The following MAGED1 variants were observed in gnomAD, a reference collection of about 807,000 sequenced individuals.
The protein encoded by MAGED1 is melanoma-associated antigen D1.
MAGED1 carries 3 observed loss-of-function variants against 54.1 expected under a neutral mutation model. The ratio of observed to expected loss-of-function variants is 0.06; its 90% CI spans 0.03 to 0.14. MAGED1 has a LOEUF of 0.14. MAGED1 is among the 10% of genes least tolerant of loss of function. MAGED1 has a pLI of 1.00. For missense variants in MAGED1, 485 were observed against 623.4 expected, an observed-to-expected ratio of 0.78 and a Z score of 2.36; for synonymous variants, 217 against 227.3, an observed-to-expected ratio of 0.95 and a Z score of 0.41.
intron 1 of MAGED1, among the ~76,000 whole-genome samples, chrX:51,844,337 A>T (rs1392774472): frequency 8.9e-6 from 1 of 112,285 alleles, no homozygotes; most frequent in African/African-American, 3.2e-5. Flanking sequence ...ATAAGCTTGG[A>T]TATTTAGCTG....
chrX:51,857,089 A>G (rs1927112336), intron 1 of MAGED1: 1 of 111,442 alleles, frequency 9.0e-6, no homozygotes, highest in Admixed American at 9.6e-5. Context: ...GAGAAACCCT[A>G]TGAATGCTGT....
intron 1 of MAGED1, among the ~76,000 whole-genome samples, chrX:51,832,132 G>A (rs1052691501): frequency 1.8e-5 from 2 of 111,033 alleles, no homozygotes; most frequent in Non-Finnish European, 3.8e-5. Context: ...TCCGGGCTCA[G>A]GTTCCTCCCA....
At chrX:51,807,614 T>C (rs1602203195) in intron 1 of MAGED1, among the ~76,000 whole-genome samples, 1 of 111,981 alleles carries the variant, frequency 8.9e-6, no homozygotes, top group Non-Finnish European at 1.9e-5. Flanking sequence ...AGTATGGGTA[T>C]ATGTAAAGGC....
intron 1 of MAGED1, among the ~76,000 whole-genome samples, chrX:51,862,679 G>C (rs186672362): frequency 9.0e-6 from 1 of 111,520 alleles, no homozygotes; most frequent in Admixed American, 9.6e-5. Context: ...GAGGTTCTGC[G>C]TCAAAAACTG....
intron 1 of MAGED1, among the ~76,000 whole-genome samples, chrX:51,871,444 C>T (rs1557361564): frequency 9.2e-6 from 1 of 108,966 alleles, no homozygotes; most frequent in Admixed American, 9.8e-5. Flanking sequence ...CACAACAGGC[C>T]CTGGTGTGTG....
intron 7 of MAGED1, 76 bp from the exon 8 acceptor site, chrX:51,898,038 A>C: frequency 1.0e-6 from 1 of 974,387 alleles, no homozygotes; most frequent in Non-Finnish European, 1.5e-6. Flanking sequence ...AATATTGGGG[A>C]GGCTAGATGG....
At chrX:51,892,666 G>C (rs781820672), upstream of MAGED1, among the ~76,000 whole-genome samples, 2 of 111,581 alleles carry the variant, frequency 1.8e-5, no homozygotes, top group Non-Finnish European at 3.8e-5. Context: ...GGGCCTCCTA[G>C]AACACAAACT....
At chrX:51,810,334 G>A (rs1569555343) in intron 1 of MAGED1, among the ~76,000 whole-genome samples, 1 of 111,344 alleles carries the variant, frequency 9.0e-6, no homozygotes, top group Non-Finnish European at 1.9e-5. Flanking sequence ...ATACTCAGGG[G>A]ATTATTATTT....
At chrX:51,894,913 C>A in intron 2 of MAGED1, 140 bp from the exon 3 acceptor site, 1 of 919,648 alleles carries the variant, frequency 1.1e-6, no homozygotes, top group Non-Finnish European at 1.5e-6. Flanking sequence ...CCCCCTAGAT[C>A]TCTGCCTCAG....
At chrX:51,892,274 T>C (rs1159928471), upstream of MAGED1, among the ~76,000 whole-genome samples, 7 of 112,705 alleles carry the variant, frequency 6.2e-5, no homozygotes, top group Non-Finnish European at 1.3e-4. Flanking sequence ...ACTTTGCACA[T>C]TGAGAAACCA....
At chrX:51,838,333 G>C (rs1486355292) in intron 1 of MAGED1, among the ~76,000 whole-genome samples, 3 of 112,530 alleles carry the variant, frequency 2.7e-5, no homozygotes, top group Non-Finnish European at 5.6e-5. Context: ...TTAAGAAACA[G>C]GCCCAAGCCA....
intron 10 of MAGED1, 26 bp from the exon 11 acceptor site, chrX:51,900,156 A>G: frequency 1.0e-6 from 1 of 994,714 alleles, no homozygotes; most frequent in Non-Finnish European, 1.4e-6. Flanking sequence ...GGGTAGGTAG[A>G]CACAAAGACT....
chrX:51,871,190 A>AT (rs1279116647), intron 1 of MAGED1, among the ~76,000 whole-genome samples: 2 of 109,646 alleles, frequency 1.8e-5, no homozygotes, highest in Non-Finnish European at 3.8e-5. Context: ...TTTAAAAATT[A>AT]TTTTTTTTGA....
intron 1 of MAGED1, among the ~76,000 whole-genome samples, chrX:51,811,033 T>C (rs1339395473): frequency 1.8e-5 from 2 of 112,383 alleles, no homozygotes; most frequent in Non-Finnish European, 3.8e-5. Flanking sequence ...TTTAATGTAC[T>C]TCTTGGACCT....
intron 3 of MAGED1, chrX:51,896,199 T>C: frequency 2.3e-6 from 1 of 435,221 alleles, no homozygotes; most frequent in African/African-American, 2.4e-5. Context: ...AGGAGAAGCC[T>C]CAGGCCCCAT....
intron 1 of MAGED1, among the ~76,000 whole-genome samples, chrX:51,872,225 T>G (rs1163885936): frequency 8.9e-6 from 1 of 112,016 alleles, no homozygotes; most frequent in African/African-American, 3.2e-5. Context: ...ATTCTGTAGG[T>G]TGCCTGTTCA....
At chrX:51,827,281 A>AT (rs56919784) in intron 1 of MAGED1, among the ~76,000 whole-genome samples, 9 of 111,031 alleles carry the variant, frequency 8.1e-5, no homozygotes, top group African/African-American at 2.9e-4. Flanking sequence ...GAAAAAAAAA[A>AT]GAAAGAAAAG....
At chrX:51,825,002 T>C (rs1925803212) in intron 1 of MAGED1, among the ~76,000 whole-genome samples, 2 of 109,077 alleles carry the variant, frequency 1.8e-5, no homozygotes, top group Non-Finnish European at 3.8e-5. Context: ...CTAATGAATT[T>C]TTCGTATCTG....
chrX:51,869,269 TTTAAG>T (rs1417612725), intron 1 of MAGED1, among the ~76,000 whole-genome samples: 1 of 111,475 alleles, frequency 9.0e-6, no homozygotes, highest in East Asian at 2.8e-4. Flanking sequence ...TGGGGATTGA[TTTAAG>T]TTAGTGGTAT....
Sources: gnomAD v4.1 joint callset for allele counts (sites outside exome capture counted in the v4.1 genomes callset) on GRCh38, gnomAD v4.1.1 for gene constraint, MANE v1.5 for transcripts, NCBI Gene and HGNC (gene_info 2026-07-23, HGNC 2026-07-21) for gene names.